The following ANXA7 variants were observed in gnomAD, a reference collection of about 807,000 sequenced individuals.
The protein encoded by ANXA7 is annexin A7, also known as annexin VII.
Under a neutral mutation model 64.9 loss-of-function variants are expected in ANXA7, and 55 were observed. That is an observed-to-expected ratio of 0.85 (90% CI 0.68 to 1.06). The LOEUF (loss-of-function observed/expected upper bound fraction) is 1.06. Ranked by LOEUF, ANXA7 falls within the 50% of genes least tolerant of loss-of-function variation. The pLI is 0.00. For missense variants in ANXA7, 548 were observed against 582.1 expected, an observed-to-expected ratio of 0.94 and a Z score of 0.60; for synonymous variants, 200 against 192.4, an observed-to-expected ratio of 1.04 and a Z score of -0.33.
chr10:73,395,430 T>C (rs1376387679), intron 5 of ANXA7, among the ~76,000 whole-genome samples: 5 of 152,186 alleles, frequency 3.3e-5, no homozygotes, highest in Non-Finnish European at 7.3e-5. Flanking sequence ...TTGTTCCTAG[T>C]AACTTGCATA....
rs745384477 is a variant in ANXA7 at position 73,379,870 on chromosome 10, A to T, written c.1165+9T>A. On this transcript the variant is annotated intron_variant, in intron 11 of 12. Transcript: ENST00000372921. ...AAAGAAAATAAAGCAAAGCACAAAAATATCTTACAGATGGTCTTCAAACCA... is the reference window on the plus strand; with the variant it reads ...AAAGAAAATAAAGCAAAGCACAAAATTATCTTACAGATGGTCTTCAAACCA... 1.2e-6 allele frequency: 2 copies of T among 1,613,348 alleles called. No individual in the cohort carries two copies. Among genetic ancestry groups the T allele is most frequent in the Admixed American group, 3.3e-5 (2 of 59,974 alleles).
chr10:73,407,570 T>G (rs1271067783), intron 1 of ANXA7, among the ~76,000 whole-genome samples: 1 of 152,220 alleles, frequency 6.6e-6, no homozygotes, highest in Middle Eastern at 3.2e-3. Context: ...TTTCTAAATT[T>G]GTAAATATAT....
chr10:73,379,071 G>C, intron 11 of ANXA7, 48 bp from the exon 12 acceptor site: 4 of 1,318,790 alleles, frequency 3.0e-6, no homozygotes, highest in Non-Finnish European at 4.3e-6. Context: ...CTCACAAGAA[G>C]TGTACCCCTC....
chr10:73,384,117 T>C (rs2055320018), intron 7 of ANXA7, among the ~76,000 whole-genome samples: 1 of 150,190 alleles, frequency 6.7e-6, no homozygotes, highest in Non-Finnish European at 1.5e-5. Flanking sequence ...CAAGACTCCG[T>C]CTCAAAAAAA....
intron 1 of ANXA7, among the ~76,000 whole-genome samples, chr10:73,412,044 T>C (rs1307201250): frequency 2.0e-5 from 3 of 151,996 alleles, no homozygotes; most frequent in Non-Finnish European, 4.4e-5. Flanking sequence ...TACCTTTCTT[T>C]TTTCTTTTTT....
At chr10:73,383,135 G>A (rs766716895) in intron 9 of ANXA7, 40 bp downstream of exon 9, 57 of 1,539,400 alleles carry the variant, frequency 3.7e-5, no homozygotes, top group Non-Finnish European at 4.5e-5. Flanking sequence ...TTTAAAGTAT[G>A]TTCCCTCTAT....
Position 73,379,920 on chromosome 10 carries a change from C to G in ANXA7, c.1124G>C (p.Arg375Pro), listed in dbSNP as rs375654942. The G allele has an allele frequency of 6.2e-7, 1 of 1,614,060 alleles. No individual in the cohort carries two copies. The highest frequency in any genetic ancestry group is 1.3e-5 in the African/African-American group (1 of 74,928). ...ACTTTCTACATATCCGGAAAACTCA[C>G]GGCTCACACTGCTTAACAAGTCTCG... Reference protein sequence around the residue: ...ANRDLLSSVSREFSGYVESGL... With the variant: ...ANRDLLSSVSPEFSGYVESGL... The change falls in exon 11 of 13, where the codon CGT (arginine) becomes CCT (proline). Residue 375 changes from arginine to proline, a missense_variant. By Grantham distance (103) the Arg-to-Pro change is moderately radical. Coordinates refer to ENST00000372921, the MANE Select transcript of ANXA7 (RefSeq NM_001156.5).
intron 5 of ANXA7, among the ~76,000 whole-genome samples, chr10:73,392,345 T>G (rs1195579958): frequency 6.6e-6 from 1 of 152,190 alleles, no homozygotes; most frequent in Non-Finnish European, 1.5e-5. Flanking sequence ...CAGTAACTCA[T>G]TTTATAAGGC....
chr10:73,381,085 T>C (rs1799675790), intron 9 of ANXA7, among the ~76,000 whole-genome samples: 1 of 152,100 alleles, frequency 6.6e-6, no homozygotes, highest in Non-Finnish European at 1.5e-5. Context: ...TTGCCCAGGC[T>C]GGGGTGCAAT....
chr10:73,381,243 T>C (rs962092665), intron 9 of ANXA7, among the ~76,000 whole-genome samples: 6 of 152,120 alleles, frequency 3.9e-5, no homozygotes, highest in Admixed American at 3.9e-4. Flanking sequence ...TTACCATAAA[T>C]ACACGCATAA....
intron 9 of ANXA7, chr10:73,381,688 G>A (rs1404427703): frequency 1.3e-5 from 2 of 152,202 alleles, no homozygotes; most frequent in Non-Finnish European, 2.9e-5. Context: ...CTTGAACTCT[G>A]CATAAAGAGA....
At chr10:73,408,614 T>C (rs2055794240) in intron 1 of ANXA7, among the ~76,000 whole-genome samples, 1 of 152,146 alleles carries the variant, frequency 6.6e-6, no homozygotes, top group Non-Finnish European at 1.5e-5. Context: ...AAGGCAAAGA[T>C]TATCTGTATA....
Position 73,379,041 on chromosome 10 carries a change from T to C in ANXA7, c.1166-18A>G, listed in dbSNP as rs1344325248. On this transcript the variant is annotated intron_variant, in intron 11 of 12. Coordinates refer to ENST00000372921, the MANE Select transcript of ANXA7 (RefSeq NM_001156.5). ...ACACTGCACTGCAAGTTAGAGATGG[T>C]TGAGACATGGAATCATGATCTCACA... The C allele has an allele frequency of 2.6e-6, 4 of 1,554,268 alleles. No homozygotes were observed. In the South Asian group the frequency reaches 3.5e-5, roughly 13 times the overall value.
chr10:73,388,501 T>A, intron 5 of ANXA7, 87 bp from the exon 6 acceptor site: 1 of 1,007,836 alleles, frequency 9.9e-7, no homozygotes, highest in Non-Finnish European at 1.5e-6. Flanking sequence ...ACATCAATCT[T>A]AAGTAAGAAG....
chr10:73,392,898 G>T (rs911379859), intron 5 of ANXA7, among the ~76,000 whole-genome samples: 1 of 152,128 alleles, frequency 6.6e-6, no homozygotes, highest in African/African-American at 2.4e-5. Flanking sequence ...ATTAGGAAAA[G>T]AGGAAGTCAA....
Position 73,385,338 on chromosome 10 carries a change from G to T in ANXA7, c.634-1648C>A, listed in dbSNP as rs116151536. 2.4e-3 allele frequency among the ~76,000 whole-genome samples: 362 copies of T among 152,274 alleles called. 3 individuals carry two copies. Among genetic ancestry groups the T allele is most frequent in the African/African-American group, 8.0e-3 (333 of 41,546 alleles). On this transcript the variant is annotated intron_variant, in intron 7 of 12. Transcript: ENST00000372921. ...TGATGGTGACAAAGAAGCTATAGATGAAAACATTTAGGCTACTGGAATATT... is the reference window on the plus strand; with the variant it reads ...TGATGGTGACAAAGAAGCTATAGATTAAAACATTTAGGCTACTGGAATATT...
rs1013556497 is a variant in ANXA7, at chr10:73,383,835, A to G, written c.634-145T>C. 1.6e-5 allele frequency: 10 copies of G among 642,448 alleles called. No homozygotes were observed. In the African/African-American group the frequency reaches 1.8e-4, roughly 12 times the overall value. 39.8% of individuals were successfully genotyped at this position (642,448 alleles called of 1,614,324 possible). A position where few individuals can be genotyped will look rare whatever the true frequency, so the allele number is the denominator to read the frequency against. ...TGAATGTTAATATACTAAGAAGTAA[A>G]TAAAGGCCAGGCGCGGTGGCTCATG... On this transcript the variant is annotated intron_variant, in intron 7 of 12. Coordinates refer to ENST00000372921, the MANE Select transcript of ANXA7 (RefSeq NM_001156.5).
chr10:73,381,451 A>C (rs189776253), intron 9 of ANXA7: 440 of 152,324 alleles, frequency 2.9e-3, no homozygotes, highest in African/African-American at 9.4e-3. Context: ...TTAGAGTCTC[A>C]GGGACCATCT....
chr10:73,405,196 T>C (rs779813500), intron 1 of ANXA7, among the ~76,000 whole-genome samples: 2 of 149,230 alleles, frequency 1.3e-5, no homozygotes, highest in African/African-American at 2.5e-5. Flanking sequence ...TGAGCCAAGA[T>C]TGCACCACTG....
Sources: allele counts gnomAD v4.1 joint callset (sites outside exome capture counted in the v4.1 genomes callset), GRCh38; gene constraint gnomAD v4.1.1; transcripts MANE v1.5; gene names NCBI Gene and HGNC (gene_info 2026-07-23, HGNC 2026-07-21).